ZRANB3: variants seen among roughly 807,000 people sequenced by gnomAD.
The protein encoded by ZRANB3 is DNA annealing helicase and endonuclease ZRANB3.
In ZRANB3, 125 loss-of-function variants were observed where a neutral mutation model predicts 133.8. The ratio of observed to expected loss-of-function variants is 0.93; its 90% CI spans 0.81 to 1.08. The LOEUF (loss-of-function observed/expected upper bound fraction) is 1.08, where lower values mean the gene tolerates loss of function less well. ZRANB3 is among the 50% of genes least tolerant of loss of function. The probability of loss-of-function intolerance (pLI) is 0.00; values close to 1 mark genes in which losing one functional copy is unlikely to be tolerated. For synonymous variants in ZRANB3, 387 were observed against 432.7 expected, an observed-to-expected ratio of 0.89 and a Z score of 1.31; for missense variants, 1,229 against 1,275.5, an observed-to-expected ratio of 0.96 and a Z score of 0.56.
chr2:135,264,470 C>CAAAAA (rs201380002), intron 12 of ZRANB3, among the ~76,000 whole-genome samples: 12 of 64,602 alleles, frequency 1.9e-4, no homozygotes, highest in South Asian at 3.7e-4. Flanking sequence ...GACTCTGTCT[C>CAAAAA]AAAAAAAAAA....
At chr2:135,258,628 T>C (rs1247705429) in intron 12 of ZRANB3, among the ~76,000 whole-genome samples, 2 of 152,242 alleles carry the variant, frequency 1.3e-5, no homozygotes, top group Non-Finnish European at 2.9e-5. Flanking sequence ...GACATTTGTA[T>C]GTCTCTATCT....
At chr2:135,385,942 C>T (rs375124086) in intron 3 of ZRANB3, among the ~76,000 whole-genome samples, 1 of 152,122 alleles carries the variant, frequency 6.6e-6, no homozygotes, top group East Asian at 1.9e-4. Flanking sequence ...GCAAGGACTT[C>T]ATGACTAAAA....
chr2:135,298,353 C>G (rs1230998497), intron 8 of ZRANB3, among the ~76,000 whole-genome samples: 1 of 152,154 alleles, frequency 6.6e-6, no homozygotes, highest in Non-Finnish European at 1.5e-5. Flanking sequence ...TGATCCATTG[C>G]TGGTGAGCTA....
chr2:135,526,407 G>T (rs1168608037), intron 1 of ZRANB3, among the ~76,000 whole-genome samples: 2 of 152,114 alleles, frequency 1.3e-5, no homozygotes, highest in African/African-American at 4.8e-5. Flanking sequence ...CAAGTAATCT[G>T]CCTGCCTTGG....
At chr2:135,282,855 T>C (rs1368193534) in intron 8 of ZRANB3, among the ~76,000 whole-genome samples, 1 of 152,212 alleles carries the variant, frequency 6.6e-6, no homozygotes, top group Non-Finnish European at 1.5e-5. Flanking sequence ...CAAGGATACA[T>C]GAGAACATTC....
chr2:135,271,488 CA>C, intron 10 of ZRANB3: 1 of 494,728 alleles, frequency 2.0e-6, no homozygotes, highest in Non-Finnish European at 3.9e-6. Context: ...AAAGGTCAGG[CA>C]AAAATATTAC....
chr2:135,239,226 GT>G (rs1695441402), intron 12 of ZRANB3, among the ~76,000 whole-genome samples: 1 of 152,092 alleles, frequency 6.6e-6, no homozygotes, highest in Admixed American at 6.5e-5. Flanking sequence ...AGAAAGATTA[GT>G]GGTTACCAGA....
chr2:135,517,957 A>C (rs1325146209), intron 1 of ZRANB3, among the ~76,000 whole-genome samples: 1 of 152,124 alleles, frequency 6.6e-6, no homozygotes, highest in Non-Finnish European at 1.5e-5. Context: ...TGCCCTGCTC[A>C]GAGAGGAGGA....
In ZRANB3 at chr2:135,272,414, C is replaced by CTTTT. The variant is rs112209442; in HGVS notation, c.1087-531_1087-528dup. The stretch of plus-strand genomic sequence containing the variant: ...CCAAATATTAACTGGGAAAATAGAG[C>CTTTT]TTTTTTTTTTTTTTTTTTGTGACGG... On this transcript the variant is annotated intron_variant, in intron 9 of 20. Coordinates refer to ENST00000264159, the MANE Select transcript of ZRANB3 (RefSeq NM_032143.4). 9.8e-4 allele frequency among the ~76,000 whole-genome samples: 106 copies of CTTTT among 107,752 alleles called. 9 individuals are homozygous for CTTTT. The highest frequency in any genetic ancestry group is 4.2e-3 in the African/African-American group (94 of 22,138). The allele number at this position is 107,752 out of a possible 152,430, so 70.7% of individuals were successfully genotyped here. A position where few individuals can be genotyped will look rare whatever the true frequency, so the allele number is the denominator to read the frequency against.
chr2:135,334,524 G>A (rs570484867), intron 6 of ZRANB3, among the ~76,000 whole-genome samples: 2 of 152,198 alleles, frequency 1.3e-5, no homozygotes, highest in Admixed American at 1.3e-4. Flanking sequence ...TTCAGCCATG[G>A]GTGAGAACAT....
At chr2:135,520,330 G>A (rs1052946713) in intron 1 of ZRANB3, among the ~76,000 whole-genome samples, 1 of 151,988 alleles carries the variant, frequency 6.6e-6, no homozygotes, top group Non-Finnish European at 1.5e-5. Flanking sequence ...AGGAGACGGA[G>A]GTTACAGTGA....
intron 2 of ZRANB3, among the ~76,000 whole-genome samples, chr2:135,456,874 C>T (rs1295544616): frequency 6.6e-6 from 1 of 152,104 alleles, no homozygotes; most frequent in East Asian, 1.9e-4. Flanking sequence ...CAAATGGTCT[C>T]TAAATTCTGA....
chr2:135,369,784 T>G (rs930498337), intron 3 of ZRANB3, among the ~76,000 whole-genome samples: 1 of 152,114 alleles, frequency 6.6e-6, no homozygotes, highest in Non-Finnish European at 1.5e-5. Context: ...GTCAATAAAC[T>G]CCTCAATTTT....
At chr2:135,217,130 G>A (rs906145267) in intron 17 of ZRANB3, among the ~76,000 whole-genome samples, 1 of 152,180 alleles carries the variant, frequency 6.6e-6, no homozygotes, top group African/African-American at 2.4e-5. Flanking sequence ...GGCATGCTCT[G>A]ATGTTCTAAG....
intron 3 of ZRANB3, among the ~76,000 whole-genome samples, chr2:135,373,827 A>AGGGGAGAGGAGGGGAGGGGACGGG (rs60101588): frequency 7.5e-6 from 1 of 133,178 alleles, no homozygotes; most frequent in Non-Finnish European, 1.7e-5. Flanking sequence ...ACGGGAGGGG[A>AGGGGAGAGGAGGGGAGGGGACGGG]AAGAGAAAGA....
chr2:135,373,136 T>C (rs1328479705), intron 3 of ZRANB3, among the ~76,000 whole-genome samples: 1 of 152,120 alleles, frequency 6.6e-6, no homozygotes, highest in African/African-American at 2.4e-5. Context: ...TTCTTTTTTC[T>C]GACTAGTTCA....
chr2:135,388,252 C>T (rs1338132521), intron 3 of ZRANB3, among the ~76,000 whole-genome samples: 1 of 152,188 alleles, frequency 6.6e-6, no homozygotes, highest in Non-Finnish European at 1.5e-5. Context: ...CATGATTCAA[C>T]TATCCCCCAC....
At chr2:135,246,907 A>G (rs1695825643) in intron 12 of ZRANB3, among the ~76,000 whole-genome samples, 1 of 152,348 alleles carries the variant, frequency 6.6e-6, no homozygotes, top group Admixed American at 6.5e-5. Flanking sequence ...TTTACAGACA[A>G]ATCCCCTGGC....
intron 1 of ZRANB3, among the ~76,000 whole-genome samples, chr2:135,507,672 T>C (rs1236649714): frequency 2.6e-5 from 4 of 152,022 alleles, no homozygotes; most frequent in Admixed American, 6.6e-5. Flanking sequence ...TTTTTTTTTT[T>C]CTTTGCTGGG....
Sources: allele counts gnomAD v4.1 joint callset (sites outside exome capture counted in the v4.1 genomes callset), GRCh38; gene constraint gnomAD v4.1.1; transcripts MANE v1.5; gene names NCBI Gene and HGNC (gene_info 2026-07-23, HGNC 2026-07-21).